Variants in NR1H3 observed in about 807,000 individuals in gnomAD.
The protein encoded by NR1H3 is nuclear receptor subfamily 1 group H member 3.
A neutral mutation model predicts 48.1 loss-of-function variants in NR1H3; 19 were observed. The observed-to-expected ratio is 0.40, with a 90% confidence interval of 0.28 to 0.58. NR1H3 has a LOEUF of 0.58. Ranked by LOEUF, NR1H3 falls within the 20% of genes least tolerant of loss-of-function variation. The pLI, the probability that NR1H3 is intolerant of heterozygous loss-of-function variation, is 0.50. For missense variants in NR1H3, 486 were observed against 595.9 expected, an observed-to-expected ratio of 0.82 and a Z score of 1.92; for synonymous variants, 232 against 227.3, an observed-to-expected ratio of 1.02 and a Z score of -0.19.
At chr11:47,265,658 G>A (rs1435397015) in intron 7 of NR1H3, among the ~76,000 whole-genome samples, 1 of 152,120 alleles carries the variant, frequency 6.6e-6, no homozygotes, top group Non-Finnish European at 1.5e-5. Context: ...CAGATCACGA[G>A]GTCAAGAGAT....
chr11:47,261,630 T>C lies in NR1H3; in HGVS notation c.792T>C (p.Ser264=). ...FAHFTELAIV[S]VQEIVDFAKQ... ...ACTTCACTGAGCTGGCCATCGTCTC[T>C]GTGCAGGAGATAGTTGACTTTGCTA... The change falls in exon 6 of 10, where the codon TCT becomes TCC. Residue 264 remains serine (S), a synonymous_variant. Coordinates refer to ENST00000441012, the MANE Select transcript of NR1H3 (RefSeq NM_005693.4). 2 of 1,614,244 alleles carry C rather than the reference T, an allele frequency of 1.2e-6. No individual in the cohort carries two copies. The highest frequency in any genetic ancestry group is 1.1e-5 in the South Asian group (1 of 91,088).
upstream of NR1H3, among the ~76,000 whole-genome samples, chr11:47,253,001 CA>C (rs1329392328): frequency 4.7e-5 from 7 of 150,196 alleles, no homozygotes; most frequent in African/African-American, 1.5e-4. Context: ...CTCTGTCACC[CA>C]GGCTGGAGTG....
At chr11:47,255,148 A>G (rs577123131), upstream of NR1H3, among the ~76,000 whole-genome samples, 6 of 152,306 alleles carry the variant, frequency 3.9e-5, no homozygotes, top group South Asian at 1.0e-3. Flanking sequence ...GGCTGCTTCC[A>G]TTACAGCACT....
At chr11:47,260,813 G>A (rs549850154) in intron 4 of NR1H3, 138 bp downstream of exon 4, 49 of 1,171,870 alleles carry the variant, frequency 4.2e-5, no homozygotes, top group South Asian at 1.1e-4. Context: ...GACCGGGCGC[G>A]GTGGCTCATG....
upstream of NR1H3, among the ~76,000 whole-genome samples, chr11:47,255,541 T>TTCTCTTTCTTTC (rs1375767131): frequency 7.0e-5 from 5 of 71,672 alleles, no homozygotes; most frequent in Admixed American, 1.5e-4. Flanking sequence ...CTTTCTTTCT[T>TTCTCTTTCTTTC]TTTCTTTCTT....
chr11:47,252,041 C>T (rs1163191658), intron 1 of NR1H3, among the ~76,000 whole-genome samples: 2 of 143,362 alleles, frequency 1.4e-5, no homozygotes, highest in Non-Finnish European at 1.5e-5. Context: ...CACTTTGGTT[C>T]GTAACTACAG....
chr11:47,255,533 TTCTTTCTTTTTC>T (rs1954998896), upstream of NR1H3, among the ~76,000 whole-genome samples: 1 of 126,606 alleles, frequency 7.9e-6, no homozygotes, highest in Non-Finnish European at 1.7e-5. Flanking sequence ...CTCTCTTTCT[TTCTTTCTTTTTC>T]TTTCTTTCTT....
At position 47,250,794 on chromosome 11, in the gene NR1H3, A is replaced by G. The variant is rs139112983; in HGVS notation, c.-93+1795A>G. Among the ~76,000 whole-genome samples the G allele has an allele frequency of 9.1e-3, 1,390 of 152,394 alleles. 6 individuals are homozygous for G. The highest frequency in any genetic ancestry group is 0.014 in the Non-Finnish European group (985 of 68,036). On this transcript the variant is annotated intron_variant, in intron 1 of 8. Transcript: ENST00000395397. ...AGTCCTCTTACTTTACAGCTTAGGAAACAAACCTAAAGAGAGGAAGTGACT... is the reference window on the plus strand; with the variant it reads ...AGTCCTCTTACTTTACAGCTTAGGAGACAAACCTAAAGAGAGGAAGTGACT...
At chr11:47,249,140 G>C in intron 1 of NR1H3, 1 of 797,666 alleles carries the variant, frequency 1.3e-6, no homozygotes, top group Non-Finnish European at 1.9e-6. Flanking sequence ...TGGAGAACCA[G>C]CGTCCCCTCC....
chr11:47,261,649 T>A lies in NR1H3; in HGVS notation c.811T>A (p.Phe271Ile), dbSNP rs1955883568. The change falls in exon 6 of 10, where the codon TTT becomes ATT. Residue 271 changes from phenylalanine (F) to isoleucine (I), a missense_variant. Transcript: ENST00000441012. ...CGTCTCTGTGCAGGAGATAGTTGACTTTGCTAAACAGCTACCCGGCTTCCT... is the reference window on the plus strand; with the variant it reads ...CGTCTCTGTGCAGGAGATAGTTGACATTGCTAAACAGCTACCCGGCTTCCT... ...AIVSVQEIVD[F>I]AKQLPGFLQL... The A allele has an allele frequency of 1.9e-6, 3 of 1,614,066 alleles. No individual in the cohort carries two copies. The highest frequency in any genetic ancestry group is 2.5e-6 in the Non-Finnish European group (3 of 1,180,038).
At chr11:47,255,595 T>TTCTTTCTTTC (rs1565178673), upstream of NR1H3, among the ~76,000 whole-genome samples, 31 of 61,400 alleles carry the variant, frequency 5.0e-4, no homozygotes, top group African/African-American at 2.3e-3. Context: ...CTTTCTTTCT[T>TTCTTTCTTTC]TCTCTCTCTC....
Position 47,264,887 on chromosome 11 carries a change from G to A in NR1H3, c.988+2869G>A, listed in dbSNP as rs565665900. Among the ~76,000 whole-genome samples the A allele has an allele frequency of 5.9e-5, 9 of 152,316 alleles. No individual in the cohort carries two copies. The South Asian group carries it at 1.9e-3, about 32-fold the overall frequency. On this transcript the variant is annotated intron_variant, in intron 7 of 9. Coordinates refer to ENST00000441012, the MANE Select transcript of NR1H3 (RefSeq NM_005693.4). ...TGAGGTGTTCATTCCGTGGGCATCA[G>A]CAGACCCTCAGAGGTGCATTAGCTA...
Position 47,261,656 on chromosome 11 carries a change from A to G in NR1H3, c.818A>G (p.Lys273Arg), listed in dbSNP as rs1955883954. ...GTGCAGGAGATAGTTGACTTTGCTA[A>G]ACAGCTACCCGGCTTCCTGCAGCTC... ...VSVQEIVDFA[K>R]QLPGFLQLSR... is the part of the protein sequence containing the mutation. Residue 273 changes from lysine (K) to arginine (R), a missense_variant, in exon 6 of 10, where the codon AAA becomes AGA. Transcript: ENST00000441012. 6.2e-7 allele frequency: 1 copy of G among 1,614,216 alleles called. No individual in the cohort carries two copies. The highest frequency in any genetic ancestry group is 8.5e-7 in the Non-Finnish European group (1 of 1,180,040).
At chr11:47,265,357 A>T (rs900687471) in intron 7 of NR1H3, among the ~76,000 whole-genome samples, 1 of 152,204 alleles carries the variant, frequency 6.6e-6, no homozygotes, top group Non-Finnish European at 1.5e-5. Flanking sequence ...ACAACACTTG[A>T]TAAACATCAG....
upstream of NR1H3, chr11:47,248,866 T>G (rs1008031191): frequency 1.3e-6 from 2 of 1,550,204 alleles, no homozygotes; most frequent in African/African-American, 2.7e-5. Context: ...GACGCACCCG[T>G]AAGGACACAC....
chr11:47,262,077 T>C, intron 7 of NR1H3, 59 bp downstream of exon 7: 2 of 1,332,622 alleles, frequency 1.5e-6, no homozygotes, highest in East Asian at 4.6e-5. Flanking sequence ...CTTTTTTTAT[T>C]TTTTATTTTT....
At chr11:47,256,916 G>T (rs1305545222), upstream of NR1H3, among the ~76,000 whole-genome samples, 1 of 151,914 alleles carries the variant, frequency 6.6e-6, no homozygotes, top group Non-Finnish European at 1.5e-5. Flanking sequence ...ATTTTTAGGA[G>T]AGACGGGGTT....
Position 47,261,436 on chromosome 11 carries a change from G to A in NR1H3, c.695G>A (p.Arg232Gln), listed in dbSNP as rs368310339. 1.5e-5 allele frequency: 24 copies of A among 1,613,930 alleles called. No homozygotes were observed. The highest frequency in any genetic ancestry group is 2.2e-5 in the East Asian group (1 of 44,900). ...QQCNRRSFSDRLRVTPWPMAP... is the reference protein window; with the variant it reads ...QQCNRRSFSDQLRVTPWPMAP... ...TGTAACCGGCGCTCCTTTTCTGACC[G>A]GCTTCGAGTCACGGTACTTGACACA... The change falls in exon 5 of 10, where the codon CGG becomes CAG. Residue 232 changes from arginine to glutamine, a missense_variant. Arg to Gln is a conservative substitution (Grantham distance 43). Transcript: ENST00000441012.
At chr11:47,251,809 C>T (rs966405341) in intron 1 of NR1H3, among the ~76,000 whole-genome samples, 2 of 152,110 alleles carry the variant, frequency 1.3e-5, no homozygotes, top group Non-Finnish European at 2.9e-5. Flanking sequence ...TGCTTTTCTT[C>T]CCACTTGCTC....
Sources: allele counts gnomAD v4.1 joint callset (sites outside exome capture counted in the v4.1 genomes callset), GRCh38; gene constraint gnomAD v4.1.1; transcripts MANE v1.5; gene names NCBI Gene and HGNC (gene_info 2026-07-23, HGNC 2026-07-21).